The following LINGO2 variants were observed in gnomAD, a reference collection of about 807,000 sequenced individuals.
LINGO2 encodes the protein leucine rich repeat and Ig domain containing 2.
In LINGO2, 14 loss-of-function variants were observed where a neutral mutation model predicts 30.6. The ratio of observed to expected loss-of-function variants is 0.46; its 90% confidence interval spans 0.30 to 0.72. The LOEUF (loss-of-function observed/expected upper bound fraction) is 0.72, where lower values mean the gene tolerates loss of function less well. Among genes scored for constraint, LINGO2 ranks in the 30% least tolerant of loss-of-function variants. The probability of loss-of-function intolerance (pLI) is 0.07; values close to 1 mark genes in which losing one functional copy is unlikely to be tolerated. For missense variants in LINGO2, 729 were observed against 751.7 expected, an observed-to-expected ratio of 0.97 and a Z score of 0.35; for synonymous variants, 317 against 288.5, an observed-to-expected ratio of 1.10 and a Z score of -1.00.
chr9:28,008,308 T>A, intron 5 of LINGO2, among the ~76,000 whole-genome samples: 1 of 152,226 alleles, frequency 6.6e-6, no homozygotes, highest in Middle Eastern at 3.4e-3. Context: ...AAAATATACA[T>A]CTATTTACCT....
chr9:28,988,994 C>T, the LINGO2 span, among the ~76,000 whole-genome samples: 42 of 152,138 alleles, frequency 2.8e-4, no homozygotes, highest in Non-Finnish European at 5.3e-4. Context: ...ATTCTGTGTT[C>T]TTGCTGACAT....
chr9:28,498,098 G>C (rs1819721191), intron 1 of LINGO2, among the ~76,000 whole-genome samples: 1 of 152,158 alleles, frequency 6.6e-6, no homozygotes, highest in Admixed American at 6.5e-5. Flanking sequence ...TAGGTTACTT[G>C]GGGGTCAGGG....
chr9:28,295,255 AG>A lies in LINGO2; in HGVS notation c.-135del, dbSNP rs1823881183. 6.6e-6 allele frequency: 1 copy of A among 152,604 alleles called. No individual in the cohort carries two copies. Among genetic ancestry groups the A allele is most frequent in the Admixed American group, 6.6e-5 (1 of 15,258 alleles). 9.5% of individuals were successfully genotyped at this position (152,604 alleles called of 1,614,324 possible). A position where few individuals can be genotyped will look rare whatever the true frequency, so the allele number is the denominator to read the frequency against. On this transcript the variant is annotated 5_prime_UTR_variant, in exon 4 of 6. The change abolishes the stop of an existing upstream ORF in the 5' untranslated region. Coordinates refer to ENST00000379992, the Ensembl canonical transcript of LINGO2. ...CCAACCCTTGCCGTCTCCCACACAA[AG>A]CTCTTGGCCACTGGGTGAAATCCAA...
At chr9:29,034,280 A>C in the LINGO2 span, among the ~76,000 whole-genome samples, 8 of 152,138 alleles carry the variant, frequency 5.3e-5, no homozygotes, top group Non-Finnish European at 8.8e-5. Flanking sequence ...CATTCATTTA[A>C]ATTTTATTTT....
chr9:28,345,110 A>G (rs1057257849), intron 3 of LINGO2, among the ~76,000 whole-genome samples: 6 of 151,742 alleles, frequency 4.0e-5, no homozygotes, highest in African/African-American at 1.5e-4. Context: ...AAAAAGAGGT[A>G]CCCCTTAAGA....
the LINGO2 span, among the ~76,000 whole-genome samples, chr9:28,911,087 T>A: frequency 6.6e-6 from 1 of 151,966 alleles, no homozygotes; most frequent in Non-Finnish European, 1.5e-5. Context: ...GAAAAGAGAT[T>A]GAACATAGGA....
At chr9:28,496,674 G>C (rs1159288966) in intron 1 of LINGO2, among the ~76,000 whole-genome samples, 1 of 152,056 alleles carries the variant, frequency 6.6e-6, no homozygotes, top group Non-Finnish European at 1.5e-5. Flanking sequence ...AGTTAATATT[G>C]TTATGTGTGA....
intron 3 of LINGO2, among the ~76,000 whole-genome samples, chr9:28,333,797 C>T (rs1023019046): frequency 6.6e-6 from 1 of 152,104 alleles, no homozygotes; most frequent in Non-Finnish European, 1.5e-5. Flanking sequence ...ATCATCATTG[C>T]TCCAAATGAC....
At chr9:28,207,732 C>T (rs1341923258) in intron 4 of LINGO2, among the ~76,000 whole-genome samples, 1 of 152,094 alleles carries the variant, frequency 6.6e-6, no homozygotes, top group African/African-American at 2.4e-5. Flanking sequence ...AAGAAAAGTC[C>T]AGAAACCAAT....
chr9:28,803,641 A>G, the LINGO2 span, among the ~76,000 whole-genome samples: 1 of 151,984 alleles, frequency 6.6e-6, no homozygotes, highest in Non-Finnish European at 1.5e-5. Flanking sequence ...ATGGCTCAAT[A>G]CCAGGCATGA....
the LINGO2 span, among the ~76,000 whole-genome samples, chr9:28,772,777 C>G: frequency 1.3e-5 from 2 of 152,088 alleles, no homozygotes; most frequent in Non-Finnish European, 2.9e-5. Flanking sequence ...AAAACTGCAG[C>G]CCATAGAGAT....
chr9:28,876,855 G>A, the LINGO2 span, among the ~76,000 whole-genome samples: 58,806 of 151,460 alleles, frequency 0.39, 12,811 homozygotes, highest in African/African-American at 0.6. Context: ...GAACTAGTTT[G>A]CAGTCCCACC....
the LINGO2 span, among the ~76,000 whole-genome samples, chr9:29,083,188 G>A: frequency 6.6e-6 from 1 of 152,138 alleles, no homozygotes; most frequent in African/African-American, 2.4e-5. Flanking sequence ...CAACCCAAAT[G>A]TCCATCAATG....
intron 3 of LINGO2, among the ~76,000 whole-genome samples, chr9:28,358,568 C>G (rs147908818): frequency 1.7e-3 from 257 of 152,222 alleles, no homozygotes; most frequent in Middle Eastern, 3.4e-3. Flanking sequence ...AGTTTTCACC[C>G]TGACTGGGGA....
chr9:28,688,147 CT>C, the LINGO2 span, among the ~76,000 whole-genome samples: 2 of 152,136 alleles, frequency 1.3e-5, no homozygotes, highest in Non-Finnish European at 2.9e-5. Flanking sequence ...TTGCTGCAGG[CT>C]ACAGTAAACA....
At chr9:28,134,333 T>A (rs1827455749) in intron 4 of LINGO2, among the ~76,000 whole-genome samples, 1 of 152,204 alleles carries the variant, frequency 6.6e-6, no homozygotes, top group Non-Finnish European at 1.5e-5. Context: ...ATTGTTTACC[T>A]AAGAACAACT....
intron 4 of LINGO2, among the ~76,000 whole-genome samples, chr9:28,203,913 A>G (rs2133830563): frequency 6.6e-6 from 1 of 152,312 alleles, no homozygotes; most frequent in East Asian, 1.9e-4. Context: ...ACAGGCTAAG[A>G]AAATACAGCA....
chr9:28,194,945 T>C (rs1437518639), intron 4 of LINGO2, among the ~76,000 whole-genome samples: 1 of 151,988 alleles, frequency 6.6e-6, no homozygotes, highest in Non-Finnish European at 1.5e-5. Flanking sequence ...TATAGAGTAA[T>C]TACTGAAACA....
At chr9:28,279,556 G>A (rs1198490480) in intron 4 of LINGO2, among the ~76,000 whole-genome samples, 1 of 152,122 alleles carries the variant, frequency 6.6e-6, no homozygotes, top group Non-Finnish European at 1.5e-5. Context: ...ATGAAGGTTA[G>A]CATTCTTTAG....
Sources: gnomAD v4.1 joint callset for allele counts (sites outside exome capture counted in the v4.1 genomes callset) on GRCh38, gnomAD v4.1.1 for gene constraint, MANE v1.5 for transcripts, NCBI Gene and HGNC (gene_info 2026-07-23, HGNC 2026-07-21) for gene names.